Variants in BRINP3 observed in about 807,000 individuals in gnomAD.
The protein encoded by BRINP3 is BMP/retinoic acid-inducible neural-specific protein 3.
BRINP3 carries 19 observed loss-of-function variants against 71.0 expected under a neutral mutation model. That is an observed-to-expected ratio of 0.27 (90% CI 0.19 to 0.39). The LOEUF (loss-of-function observed/expected upper bound fraction) is 0.39, where lower values mean the gene tolerates loss of function less well. Ranked by LOEUF, BRINP3 falls within the 10% of genes least tolerant of loss-of-function variation. The pLI is 1.00. For missense variants in BRINP3, 959 were observed against 940.8 expected, an observed-to-expected ratio of 1.02 and a Z score of -0.25; for synonymous variants, 380 against 337.7, an observed-to-expected ratio of 1.13 and a Z score of -1.37.
At chr1:190,374,120 A>T (rs1670038603) in intron 2 of BRINP3, among the ~76,000 whole-genome samples, 1 of 152,050 alleles carries the variant, frequency 6.6e-6, no homozygotes, top group African/African-American at 2.4e-5. Context: ...TTAGGGTTCA[A>T]GATTATAATC....
chr1:190,416,253 C>T (rs1672997618), intron 2 of BRINP3, among the ~76,000 whole-genome samples: 1 of 152,114 alleles, frequency 6.6e-6, no homozygotes. Context: ...AGACAGAATT[C>T]TTAGCTCTGC....
intron 2 of BRINP3, among the ~76,000 whole-genome samples, chr1:190,307,210 GT>G (rs903360539): frequency 7.9e-5 from 10 of 126,110 alleles, no homozygotes; most frequent in Non-Finnish European, 1.3e-4. Context: ...AATATTTTAA[GT>G]TTTTTTTAAT....
chr1:190,291,169 AG>A (rs1663837718), intron 2 of BRINP3, among the ~76,000 whole-genome samples: 1 of 152,126 alleles, frequency 6.6e-6, no homozygotes, highest in Admixed American at 6.6e-5. Context: ...AAGGACTTAA[AG>A]GGCCTTTGAG....
intron 6 of BRINP3, among the ~76,000 whole-genome samples, chr1:190,165,859 G>T (rs1271501189): frequency 6.6e-6 from 1 of 152,090 alleles, no homozygotes; most frequent in Non-Finnish European, 1.5e-5. Context: ...TCCAGACAGT[G>T]TCCTGAATAG....
At chr1:190,304,972 C>CA in intron 2 of BRINP3, among the ~76,000 whole-genome samples, 1 of 151,852 alleles carries the variant, frequency 6.6e-6, no homozygotes. Flanking sequence ...AGACATTTCT[C>CA]AAAAGAAGAC....
intron 6 of BRINP3, among the ~76,000 whole-genome samples, chr1:190,165,344 T>C (rs1235452599): frequency 1.4e-5 from 2 of 138,264 alleles, no homozygotes; most frequent in African/African-American, 5.6e-5. Flanking sequence ...TTGTAAGCAA[T>C]AAACTAAAAA....
rs560194208 is a variant in BRINP3, at chr1:190,355,508, T to C, written c.237-73758A>G. On this transcript the variant is annotated intron_variant, in intron 2 of 7. Coordinates refer to ENST00000367462, the MANE Select transcript of BRINP3 (RefSeq NM_199051.3). ...TAAAACTAAGCATGATATTTGATTG[T>C]GGCATTTCTTTTTTACTGCTATAAA... is the stretch of plus-strand genomic sequence containing the variant. Among the ~76,000 whole-genome samples, 3 of 152,056 alleles carry C rather than the reference T, an allele frequency of 2.0e-5. No homozygotes were observed. In the East Asian group the frequency reaches 5.8e-4, roughly 29 times the overall value.
chr1:190,254,525 C>A (rs1197075090), intron 4 of BRINP3, among the ~76,000 whole-genome samples: 2 of 152,050 alleles, frequency 1.3e-5, no homozygotes, highest in Non-Finnish European at 2.9e-5. Context: ...ATTTTATTCT[C>A]TTTTTAGCAA....
intron 6 of BRINP3, among the ~76,000 whole-genome samples, chr1:190,218,176 G>C (rs1656572100): frequency 6.6e-6 from 1 of 151,438 alleles, no homozygotes; most frequent in African/African-American, 2.4e-5. Flanking sequence ...TACCAAAAGA[G>C]CCTCCCAGAC....
At chr1:190,152,068 G>T (rs985827646) in intron 7 of BRINP3, among the ~76,000 whole-genome samples, 2 of 151,954 alleles carry the variant, frequency 1.3e-5, no homozygotes, top group African/African-American at 4.8e-5. Context: ...TCCAAAAAGG[G>T]CTGTAGTATT....
At chr1:190,111,252 C>T (rs1652671290) in intron 7 of BRINP3, among the ~76,000 whole-genome samples, 1 of 148,558 alleles carries the variant, frequency 6.7e-6, no homozygotes, top group Non-Finnish European at 1.5e-5. Flanking sequence ...TTACTTTGGA[C>T]CCGATGGTAA....
rs1557963906 is a variant in BRINP3, at chr1:190,098,919, T to C, written c.1400A>G (p.Tyr467Cys). The C allele has an allele frequency of 6.2e-7, 1 of 1,614,188 alleles. No homozygotes were observed. The highest frequency in any genetic ancestry group is 1.1e-5 in the South Asian group (1 of 91,084). The change falls in exon 8 of 8, where the codon TAC becomes TGC. Residue 467 changes from tyrosine (Y) to cysteine (C), a missense_variant. Coordinates refer to ENST00000367462, the MANE Select transcript of BRINP3 (RefSeq NM_199051.3). Reference protein sequence around the residue: ...RTRCGTCNTGYMLSQGLCKPE... With the variant: ...RTRCGTCNTGCMLSQGLCKPE... ...CTTGCAGAGCCCCTGGCTGAGCATG[T>C]AGCCGGTGTTGCAGGTGCCGCAGCG...
intron 6 of BRINP3, among the ~76,000 whole-genome samples, chr1:190,204,920 T>C (rs1655360180): frequency 6.6e-6 from 1 of 151,910 alleles, no homozygotes; most frequent in East Asian, 1.9e-4. Context: ...TTCTTTGTTA[T>C]GCTTCCAAAT....
chr1:190,240,191 TG>T lies in BRINP3; in HGVS notation c.619-5715del, dbSNP rs569134791. The stretch of plus-strand genomic sequence containing the variant: ...TAGAATGAAAAAAATAGTTTTTTCT[TG>T]TAAGTTCACATCTAAATAGCAATAA... On this transcript the variant is annotated intron_variant, in intron 4 of 7. Coordinates refer to ENST00000367462, the MANE Select transcript of BRINP3 (RefSeq NM_199051.3). Among the ~76,000 whole-genome samples the T allele has an allele frequency of 7.5e-4, 114 of 151,972 alleles. 1 individual carries two copies. The highest frequency in any genetic ancestry group is 1.2e-3 in the Non-Finnish European group (82 of 67,938).
rs535873374 is a variant in BRINP3, at chr1:190,135,914, T to C, written c.1184+24754A>G. On this transcript the variant is annotated intron_variant, in intron 7 of 7. Transcript: ENST00000367462. Reference sequence around the variant, plus strand: ...TTATCTCTATACCAAGACACAAATATGTAAAATAATGCACACATTACTATA... The same window carrying C: ...TTATCTCTATACCAAGACACAAATACGTAAAATAATGCACACATTACTATA... Among the ~76,000 whole-genome samples the C allele has an allele frequency of 2.6e-4, 39 of 152,176 alleles. 1 individual carries two copies. Among genetic ancestry groups the C allele is most frequent in the African/African-American group, 8.9e-4 (37 of 41,566 alleles).
At chr1:190,327,237 C>T (rs1424605492) in intron 2 of BRINP3, among the ~76,000 whole-genome samples, 1 of 146,836 alleles carries the variant, frequency 6.8e-6, no homozygotes, top group Non-Finnish European at 1.5e-5. Flanking sequence ...CTCACTTGAA[C>T]CCAGGAGGCG....
chr1:190,119,474 C>T (rs1653447073), intron 7 of BRINP3, among the ~76,000 whole-genome samples: 2 of 151,952 alleles, frequency 1.3e-5, no homozygotes, highest in African/African-American at 4.8e-5. Context: ...TGGGGTTTCA[C>T]CATTTTGGTC....
intron 7 of BRINP3, among the ~76,000 whole-genome samples, chr1:190,123,350 T>A (rs562619145): frequency 1.3e-5 from 2 of 151,494 alleles, no homozygotes; most frequent in Non-Finnish European, 3.0e-5. Context: ...TCATTACTAA[T>A]AACGACTTCA....
At chr1:190,120,944 A>G (rs1368181513) in intron 7 of BRINP3, among the ~76,000 whole-genome samples, 1 of 152,192 alleles carries the variant, frequency 6.6e-6, no homozygotes, top group Non-Finnish European at 1.5e-5. Flanking sequence ...ACTAAGAACA[A>G]AAAAAGGCAG....
Sources: gnomAD v4.1 joint callset for allele counts (sites outside exome capture counted in the v4.1 genomes callset) on GRCh38, gnomAD v4.1.1 for gene constraint, MANE v1.5 for transcripts, NCBI Gene and HGNC (gene_info 2026-07-23, HGNC 2026-07-21) for gene names.